AMY2B: variants seen among roughly 807,000 people sequenced by gnomAD.
The protein encoded by AMY2B is alpha-amylase 2B.
Under a neutral mutation model 59.3 loss-of-function variants are expected in AMY2B, and 63 were observed. The observed-to-expected ratio is 1.06, with a 90% CI of 0.87 to 1.31. The LOEUF (loss-of-function observed/expected upper bound fraction) is 1.31, where lower values mean the gene tolerates loss of function less well. AMY2B is among the 50% of genes most tolerant of loss of function. AMY2B has a pLI of 0.00. For synonymous variants in AMY2B, 180 were observed against 198.1 expected (o/e 0.91, Z 0.77); for missense variants, 635 against 626.7 (o/e 1.01, Z -0.14).
intron 1 of AMY2B, among the ~76,000 whole-genome samples, chr1:103,556,265 C>G (rs1419802147): frequency 6.6e-6 from 1 of 152,118 alleles, no homozygotes; most frequent in East Asian, 1.9e-4. Context: ...TAGGTGCTAT[C>G]ACTGAAAAAG....
At chr1:103,578,280 G>GT (rs1652442569) in intron 9 of AMY2B, among the ~76,000 whole-genome samples, 1 of 152,070 alleles carries the variant, frequency 6.6e-6, no homozygotes, top group African/African-American at 2.4e-5. Flanking sequence ...GCTCTATGTA[G>GT]TTTTTTGGTA....
intron 2 of AMY2B, 127 bp downstream of exon 2, chr1:103,572,383 A>G (rs1206583743): frequency 2.0e-6 from 3 of 1,463,956 alleles, no homozygotes; most frequent in East Asian, 4.8e-5. Flanking sequence ...ATACTTTAAA[A>G]CTCAAAATTA....
chr1:103,569,279 A>G (rs575754523), upstream of AMY2B: 2 of 153,028 alleles, frequency 1.3e-5, no homozygotes, highest in African/African-American at 4.8e-5. Context: ...GAGTCTATAT[A>G]TACATACACA....
chr1:103,556,602 A>T (rs973060517), intron 1 of AMY2B, among the ~76,000 whole-genome samples: 5 of 151,980 alleles, frequency 3.3e-5, no homozygotes. Context: ...ATAGTATAAT[A>T]GTACTAAGTA....
chr1:103,571,218 A>T (rs1255653881), upstream of AMY2B: 2 of 680,042 alleles, frequency 2.9e-6, no homozygotes, highest in African/African-American at 1.9e-5. Context: ...GTTTGCATTT[A>T]TACCTATAAA....
chr1:103,569,603 CA>C, upstream of AMY2B: 1 of 396,330 alleles, frequency 2.5e-6, no homozygotes. Context: ...CCAGCATGTG[CA>C]AAGCTGGCTT....
At position 103,575,243 on chromosome 1, in the gene AMY2B, G is replaced by T. The variant is rs1437564666; in HGVS notation, c.899G>T (p.Gly300Val). ...AATAGGAACTGGGGAGAAGGTTGGG[G>T]TTTCATGCCTTCTGACAGAGCACTT... ...SYLKNWGEGW[G>V]FMPSDRALVF... The change falls in exon 6 of 10, where the codon GGT (glycine) becomes GTT (valine). Residue 300 changes from glycine to valine, a missense_variant. Transcript: ENST00000684275. 5.0e-6 allele frequency: 8 copies of T among 1,613,450 alleles called. No individual in the cohort carries two copies. The highest frequency in any genetic ancestry group is 3.3e-5 in the Admixed American group (2 of 59,960).
At position 103,573,523 on chromosome 1, in the gene AMY2B, T is replaced by C. The variant is rs1007908415; in HGVS notation, c.514-185T>C. Among the ~76,000 whole-genome samples, 4 of 152,200 alleles carry C rather than the reference T, an allele frequency of 2.6e-5. No individual in the cohort carries two copies. In the East Asian group the frequency reaches 7.7e-4, roughly 29 times the overall value. On this transcript the variant is annotated intron_variant, in intron 3 of 9. Transcript: ENST00000684275. ...CGTCGACTTTATTTCCTAAATTCTC[T>C]ATTTTCTATTAGAAAATATTTCCAA...
intron 2 of AMY2B, 130 bp downstream of exon 2, chr1:103,572,386 C>G: frequency 1.4e-6 from 2 of 1,452,818 alleles, no homozygotes; most frequent in Non-Finnish European, 1.8e-6. Context: ...CTTTAAAACT[C>G]AAAATTAACC....
chr1:103,578,929 C>G (rs1055107079), intron 9 of AMY2B, among the ~76,000 whole-genome samples: 2 of 151,910 alleles, frequency 1.3e-5, no homozygotes, highest in African/African-American at 2.4e-5. Flanking sequence ...GTGCAGCGCA[C>G]CAGCATGGCA....
chr1:103,578,157 AG>A (rs1229409653), intron 9 of AMY2B, among the ~76,000 whole-genome samples: 1 of 152,204 alleles, frequency 6.6e-6, no homozygotes, highest in East Asian at 1.9e-4. Flanking sequence ...AGTTAATATG[AG>A]GATTGTGAAA....
chr1:103,559,024 A>T (rs531962145), intron 1 of AMY2B, among the ~76,000 whole-genome samples: 20 of 152,332 alleles, frequency 1.3e-4, no homozygotes, highest in African/African-American at 4.8e-4. Context: ...ACATGCAAAT[A>T]CTACATTGTA....
intron 1 of AMY2B, among the ~76,000 whole-genome samples, chr1:103,558,422 A>T (rs1396272479): frequency 6.6e-6 from 1 of 152,230 alleles, no homozygotes; most frequent in Non-Finnish European, 1.5e-5. Context: ...GGATGTAGAA[A>T]GTCAAGAGAA....
intron 1 of AMY2B, among the ~76,000 whole-genome samples, chr1:103,561,449 G>A (rs1651731864): frequency 6.6e-6 from 1 of 151,962 alleles, no homozygotes; most frequent in South Asian, 2.1e-4. Context: ...TGTAGTTTTA[G>A]TAGAGACAGG....
At chr1:103,572,305 T>G in intron 2 of AMY2B, 49 bp downstream of exon 2, 4 of 1,595,776 alleles carry the variant, frequency 2.5e-6, no homozygotes, top group Non-Finnish European at 3.4e-6. Flanking sequence ...GAAAATGATT[T>G]CTCTCTCTTC....
chr1:103,555,094 C>T (rs998897053), exon 1 of AMY2B: 25 of 151,828 alleles, frequency 1.6e-4, no homozygotes, highest in African/African-American at 5.8e-4. Flanking sequence ...AAATTGACCA[C>T]CTGGACTATG....
At chr1:103,568,505 T>G (rs1238887778), upstream of AMY2B, 2 of 152,168 alleles carry the variant, frequency 1.3e-5, no homozygotes, top group Non-Finnish European at 2.9e-5. Context: ...AAACGTTTTC[T>G]TAAATCATTA....
At chr1:103,570,657 C>T (rs1443335161), upstream of AMY2B, 8 of 586,946 alleles carry the variant, frequency 1.4e-5, no homozygotes, top group East Asian at 1.7e-4. Context: ...CTCCATCGTC[C>T]ACCGCAAATG....
chr1:103,556,104 G>A (rs1217905664), intron 1 of AMY2B, among the ~76,000 whole-genome samples: 2 of 152,112 alleles, frequency 1.3e-5, no homozygotes, highest in Non-Finnish European at 2.9e-5. Context: ...CATAAAGAGG[G>A]AGGAAGTCAT....
Sources: gnomAD v4.1 joint callset for allele counts (sites outside exome capture counted in the v4.1 genomes callset) on GRCh38, gnomAD v4.1.1 for gene constraint, MANE v1.5 for transcripts, NCBI Gene and HGNC (gene_info 2026-07-23, HGNC 2026-07-21) for gene names.